NOL4: variants seen among roughly 807,000 people sequenced by gnomAD.
NOL4 encodes cancer/testis antigen 125.
A neutral mutation model predicts 75.9 loss-of-function variants in NOL4; 17 were observed. The observed-to-expected ratio is 0.22, with a 90% confidence interval of 0.15 to 0.34. The LOEUF is 0.34. NOL4 is among the 10% of genes least tolerant of loss of function. The pLI is 1.00. For synonymous variants in NOL4, 292 were observed against 289.9 expected, an observed-to-expected ratio of 1.01 and a Z score of -0.07; for missense variants, 614 against 793.5, an observed-to-expected ratio of 0.77 and a Z score of 2.72.
At chr18:33,990,904 T>A (rs893096163) in intron 6 of NOL4, among the ~76,000 whole-genome samples, 4 of 152,056 alleles carry the variant, frequency 2.6e-5, no homozygotes, top group Non-Finnish European at 4.4e-5. Flanking sequence ...ATATCCTAGA[T>A]CTTGTTATCA....
intron 10 of NOL4, among the ~76,000 whole-genome samples, chr18:33,866,764 T>C (rs1005891781): frequency 1.2e-4 from 18 of 152,118 alleles, no homozygotes; most frequent in African/African-American, 4.1e-4. Context: ...AAGATACAAA[T>C]ACTGCAGGAG....
At chr18:33,997,303 A>G (rs1273938219) in intron 6 of NOL4, among the ~76,000 whole-genome samples, 1 of 151,886 alleles carries the variant, frequency 6.6e-6, no homozygotes, top group Non-Finnish European at 1.5e-5. Context: ...TCAACAGCCA[A>G]TTATCCCAGC....
intron 1 of NOL4, among the ~76,000 whole-genome samples, chr18:34,203,527 T>C (rs950184085): frequency 6.6e-6 from 1 of 151,558 alleles, no homozygotes; most frequent in African/African-American, 2.4e-5. Flanking sequence ...TAATATTATA[T>C]TATAGCTTTG....
At chr18:34,070,869 G>T (rs1354510894) in intron 5 of NOL4, among the ~76,000 whole-genome samples, 2 of 151,832 alleles carry the variant, frequency 1.3e-5, no homozygotes, top group Non-Finnish European at 2.9e-5. Context: ...ATATAAACAT[G>T]AATCTTATAA....
chr18:34,128,346 T>C lies in NOL4; in HGVS notation c.414+1525A>G, dbSNP rs181535711. Among the ~76,000 whole-genome samples, 20 of 152,034 alleles carry C rather than the reference T, an allele frequency of 1.3e-4. No individual in the cohort carries two copies. In the East Asian group the frequency reaches 3.9e-3, roughly 29 times the overall value. ...CATTTAATACAATTGAAATTATGCA[T>C]CCCTAGCAAAGTCCTTTTACAAAGT... On this transcript the variant is annotated intron_variant, in intron 2 of 10. Coordinates refer to ENST00000261592, the MANE Select transcript of NOL4 (RefSeq NM_003787.5).
chr18:34,158,469 A>C (rs1198254633), intron 1 of NOL4: 3 of 152,232 alleles, frequency 2.0e-5, no homozygotes, highest in Non-Finnish European at 4.4e-5. Context: ...GCAAAGTCAA[A>C]AACTGACCTC....
At position 34,019,621 on chromosome 18, in the gene NOL4, A is replaced by G. The variant is rs201711690; in HGVS notation, c.773-20T>C. On this transcript the variant is annotated intron_variant, in intron 5 of 10. Transcript: ENST00000261592. ...AATCATCTGTTGGAAAGGAAAAGTT[A>G]TATTTTGATTTTAATTAATATGCTA... 1.9e-5 allele frequency: 31 copies of G among 1,600,086 alleles called. No individual in the cohort carries two copies. The East Asian group carries it at 5.6e-4, about 29-fold the overall frequency.
intron 9 of NOL4, among the ~76,000 whole-genome samples, chr18:33,904,280 A>G (rs1001056139): frequency 6.6e-6 from 1 of 152,086 alleles, no homozygotes; most frequent in South Asian, 2.1e-4. Context: ...GGAAAAAAAT[A>G]AAAGCTTGGT....
Position 33,962,532 on chromosome 18 carries a change from G to A in NOL4, c.1057-4114C>T, listed in dbSNP as rs556711360. ...TAACATATGTGTAGCATGCTTTAAGGATCATACTAACATATCATAACTATA... is the reference window on the plus strand; with the variant it reads ...TAACATATGTGTAGCATGCTTTAAGAATCATACTAACATATCATAACTATA... On this transcript the variant is annotated intron_variant, in intron 6 of 10. Transcript: ENST00000261592. Among the ~76,000 whole-genome samples the A allele has an allele frequency of 3.9e-5, 6 of 152,274 alleles. No individual in the cohort carries two copies. The South Asian group carries it at 1.2e-3, about 32-fold the overall frequency.
At chr18:34,137,439 G>C (rs2080938691) in intron 1 of NOL4, among the ~76,000 whole-genome samples, 1 of 151,894 alleles carries the variant, frequency 6.6e-6, no homozygotes, top group Admixed American at 6.6e-5. Context: ...CTCAGTAATA[G>C]AAAGTCAAAT....
chr18:34,077,708 T>C (rs959869711), intron 5 of NOL4, among the ~76,000 whole-genome samples: 1 of 152,138 alleles, frequency 6.6e-6, no homozygotes, highest in South Asian at 2.1e-4. Context: ...CTTTCATTCA[T>C]ATGAAATAAT....
intron 1 of NOL4, chr18:34,221,982 G>T: frequency 6.7e-7 from 1 of 1,500,900 alleles, no homozygotes; most frequent in Non-Finnish European, 8.9e-7. Flanking sequence ...AAGGATGCCA[G>T]ATAGCCTCCC....
At chr18:34,142,016 C>T (rs895174954) in intron 1 of NOL4, among the ~76,000 whole-genome samples, 3 of 152,096 alleles carry the variant, frequency 2.0e-5, no homozygotes, top group African/African-American at 7.2e-5. Flanking sequence ...AAAAAGTGGG[C>T]AAAGGACATG....
At chr18:33,890,072 A>T (rs1290653404) in intron 9 of NOL4, among the ~76,000 whole-genome samples, 11 of 152,144 alleles carry the variant, frequency 7.2e-5, no homozygotes, top group Admixed American at 7.2e-4. Flanking sequence ...AAGCATATTC[A>T]GTTAGGAAAA....
chr18:33,874,954 T>C (rs2063863078), intron 10 of NOL4, among the ~76,000 whole-genome samples: 1 of 151,990 alleles, frequency 6.6e-6, no homozygotes, highest in Non-Finnish European at 1.5e-5. Flanking sequence ...TAATGAATGT[T>C]AAGAGTTGGG....
At chr18:34,149,698 T>C (rs2081563723) in intron 1 of NOL4, among the ~76,000 whole-genome samples, 1 of 151,686 alleles carries the variant, frequency 6.6e-6, no homozygotes, top group African/African-American at 2.4e-5. Context: ...GATGACCATC[T>C]AGGTTGATTC....
rs914792315 is a variant in NOL4 at position 34,010,787 on chromosome 18, C to A, written c.1056+8531G>T. The stretch of plus-strand genomic sequence containing the variant: ...CACATCTCATAGTAGTTTTGATTTG[C>A]ATTTCTTTGATGATCAATGAGGTTG... On this transcript the variant is annotated intron_variant, in intron 6 of 10. Transcript: ENST00000261592. 6.6e-5 allele frequency among the ~76,000 whole-genome samples: 10 copies of A among 151,806 alleles called. No individual in the cohort carries two copies. The Admixed American group carries it at 6.6e-4, about 10-fold the overall frequency.
intron 4 of NOL4, among the ~76,000 whole-genome samples, chr18:34,093,902 T>G (rs2078644117): frequency 6.6e-6 from 1 of 151,704 alleles, no homozygotes; most frequent in African/African-American, 2.4e-5. Flanking sequence ...ATTAGCCAGG[T>G]GTGGCGGTGA....
At chr18:33,857,578 T>C (rs1267880152) in intron 10 of NOL4, among the ~76,000 whole-genome samples, 2 of 152,096 alleles carry the variant, frequency 1.3e-5, no homozygotes, top group East Asian at 3.9e-4. Context: ...AAATTTAATA[T>C]TAGCCCTGAT....
Sources: gnomAD v4.1 joint callset for allele counts (sites outside exome capture counted in the v4.1 genomes callset) on GRCh38, gnomAD v4.1.1 for gene constraint, MANE v1.5 for transcripts, NCBI Gene and HGNC (gene_info 2026-07-23, HGNC 2026-07-21) for gene names.